The following GUCY1A2 variants were observed in gnomAD, a reference collection of about 807,000 sequenced individuals.
GUCY1A2 encodes guanylate cyclase 1 soluble subunit alpha 2.
Under a neutral mutation model 63.5 loss-of-function variants are expected in GUCY1A2, and 27 were observed. The observed-to-expected ratio is 0.43, with a 90% CI of 0.31 to 0.59. The LOEUF (loss-of-function observed/expected upper bound fraction) is 0.59. GUCY1A2 is among the 20% of genes least tolerant of loss of function. The pLI, the probability that GUCY1A2 is intolerant of heterozygous loss-of-function variation, is 0.11. For synonymous variants in GUCY1A2, 364 were observed against 343.5 expected, an observed-to-expected ratio of 1.06 and a Z score of -0.66; for missense variants, 768 against 913.3, an observed-to-expected ratio of 0.84 and a Z score of 2.05.
intron 3 of GUCY1A2, among the ~76,000 whole-genome samples, chr11:106,967,325 T>C (rs1273349487): frequency 3.9e-5 from 6 of 152,114 alleles, no homozygotes; most frequent in Non-Finnish European, 1.5e-5. Context: ...CACTGTCCTC[T>C]CGGAATTAAT....
chr11:106,868,950 C>T (rs1362674244), intron 4 of GUCY1A2, among the ~76,000 whole-genome samples: 1 of 152,128 alleles, frequency 6.6e-6, no homozygotes, highest in Admixed American at 6.6e-5. Flanking sequence ...AGAAATAATA[C>T]CACACATCTA....
chr11:107,017,967 G>A lies in GUCY1A2; in HGVS notation c.89C>T (p.Pro30Leu). The A allele has an allele frequency of 6.9e-7, 1 of 1,442,428 alleles. No homozygotes were observed. The highest frequency in any genetic ancestry group is 1.4e-5 in the South Asian group (1 of 69,186). The allele number at this position is 1,442,428 out of a possible 1,614,324, so 89.4% of individuals were successfully genotyped here. A position where few individuals can be genotyped will look rare whatever the true frequency, so the allele number is the denominator to read the frequency against. The change falls in exon 1 of 8, where the codon CCC becomes CTC. Residue 30 changes from proline to leucine, a missense_variant. Physicochemically the swap from Pro to Leu is moderately conservative, Grantham distance 98. Around this residue, in one of 3 missense-constraint regions of GUCY1A2, gnomAD observed 496 missense variants for 486.9 expected, o/e 1.02. Transcript: ENST00000526355. ...GCCATTCCAGCAGAGCCTAGACAGGGGGCACTCCCCCTCCTCCTCCGGGCT... is the reference window on the plus strand; with the variant it reads ...GCCATTCCAGCAGAGCCTAGACAGGAGGCACTCCCCCTCCTCCTCCGGGCT... Reference protein sequence around the residue: ...ETSPEEEGECPLSRLCWNGSR... With the variant: ...ETSPEEEGECLLSRLCWNGSR...
At chr11:106,767,301 A>AT (rs1360511709) in intron 6 of GUCY1A2, among the ~76,000 whole-genome samples, 1 of 152,086 alleles carries the variant, frequency 6.6e-6, no homozygotes, top group African/African-American at 2.4e-5. Flanking sequence ...AAACTAAGCA[A>AT]TTTTGTGCTT....
chr11:106,922,469 T>G (rs2119907458), intron 4 of GUCY1A2, among the ~76,000 whole-genome samples: 1 of 151,348 alleles, frequency 6.6e-6, no homozygotes, highest in African/African-American at 2.4e-5. Context: ...ATGTATATAT[T>G]CAACTATATA....
At chr11:106,939,349 C>A in intron 4 of GUCY1A2, 111 bp downstream of exon 4, 1 of 662,680 alleles carries the variant, frequency 1.5e-6, no homozygotes, top group South Asian at 2.2e-5. Flanking sequence ...TTCTAAATGG[C>A]ACTTTAAGCT....
In GUCY1A2 at chr11:106,939,605, G is replaced by A. The variant is rs1860724498; in HGVS notation, c.1061C>T (p.Thr354Ile). Residue 354 changes from threonine to isoleucine, a missense_variant, in exon 4 of 8, where the codon ACT (threonine) becomes ATT (isoleucine). Thr to Ile is a moderately conservative substitution (Grantham distance 89). Around this residue, in one of 3 missense-constraint regions of GUCY1A2, gnomAD observed 496 missense variants for 486.9 expected, o/e 1.02. Coordinates refer to ENST00000526355, the MANE Select transcript of GUCY1A2 (RefSeq NM_000855.3). ...GTCCTCAAACTTGAGCACTTTGTGA[G>A]TGTCACATCGAAGCTGCTTCCTTAG... ...EGLRKQLRCD[T>I]HKVLKFEDCF... 6.2e-7 allele frequency: 1 copy of A among 1,613,620 alleles called. No individual in the cohort carries two copies. The highest frequency in any genetic ancestry group is 1.1e-5 in the South Asian group (1 of 91,072).
chr11:106,823,117 G>C (rs1297105433), intron 4 of GUCY1A2, among the ~76,000 whole-genome samples: 2 of 152,062 alleles, frequency 1.3e-5, no homozygotes, highest in African/African-American at 4.8e-5. Context: ...GTAGATTCAG[G>C]GGGAACATGT....
At chr11:106,821,262 A>G (rs1858899933) in intron 4 of GUCY1A2, among the ~76,000 whole-genome samples, 2 of 151,346 alleles carry the variant, frequency 1.3e-5, no homozygotes, top group African/African-American at 4.8e-5. Context: ...ATTTTACTTA[A>G]CAAGCATTAA....
At chr11:106,840,480 T>C (rs1316208547) in intron 4 of GUCY1A2, among the ~76,000 whole-genome samples, 1 of 151,958 alleles carries the variant, frequency 6.6e-6, no homozygotes, top group East Asian at 1.9e-4. Flanking sequence ...GTGATTTACC[T>C]TCTCCAGAAA....
intron 4 of GUCY1A2, among the ~76,000 whole-genome samples, chr11:106,846,639 G>C (rs2135447532): frequency 6.6e-6 from 1 of 151,684 alleles, no homozygotes; most frequent in South Asian, 2.1e-4. Flanking sequence ...CAGACGCTCT[G>C]ACCTCTTCGA....
chr11:106,674,407 A>C lies in GUCY1A2; in HGVS notation c.*13142T>G, dbSNP rs1229359638. 2 of 176,870 alleles carry C rather than the reference A, an allele frequency of 1.1e-5. No homozygotes were observed. Among genetic ancestry groups the C allele is most frequent in the Non-Finnish European group, 2.4e-5 (2 of 82,194 alleles). The allele number at this position is 176,870 out of a possible 1,614,324, so 11.0% of individuals were successfully genotyped here. Reference sequence around the variant, plus strand: ...ATGTATTATTCTTAAAATTCTAGTGAAATGAGGCATATTTTATCATTTCAA... The same window carrying C: ...ATGTATTATTCTTAAAATTCTAGTGCAATGAGGCATATTTTATCATTTCAA... On this transcript the variant is annotated 3_prime_UTR_variant, in exon 8 of 8. Coordinates refer to ENST00000526355, the MANE Select transcript of GUCY1A2 (RefSeq NM_000855.3).
rs117646729 is a variant in GUCY1A2 at position 106,939,832 on chromosome 11, A to G, written c.834T>C (p.Ser278=). 2.3e-3 allele frequency: 3,713 copies of G among 1,613,832 alleles called. 117 individuals are homozygous for G. In the Admixed American group the frequency reaches 0.051, roughly 22 times the overall value. ...TACAATTGCCTGGGTTTGAAACATC[A>G]GAGCATAGCTTCTCATTTGCAACCT... ...VEQVANEKLC[S]DVSNPGNCSC... The change falls in exon 4 of 8, where the codon TCT becomes TCC. Residue 278 remains serine (S), a synonymous_variant. Transcript: ENST00000526355.
chr11:106,739,997 C>CTTTTT (rs35005245), intron 6 of GUCY1A2, among the ~76,000 whole-genome samples: 4 of 129,890 alleles, frequency 3.1e-5, no homozygotes, highest in Non-Finnish European at 4.9e-5. Flanking sequence ...TTGAGAGGCA[C>CTTTTT]TTTTTTTTTT....
chr11:106,810,556 T>C (rs1858749988), intron 4 of GUCY1A2, 78 bp from the exon 5 acceptor site: 4 of 1,228,066 alleles, frequency 3.3e-6, no homozygotes, highest in Non-Finnish European at 4.5e-6. Flanking sequence ...ATCTGATGAA[T>C]AGAAAGAAAA....
intron 4 of GUCY1A2, among the ~76,000 whole-genome samples, chr11:106,928,683 T>G (rs1167465312): frequency 6.6e-6 from 1 of 152,192 alleles, no homozygotes; most frequent in Non-Finnish European, 1.5e-5. Flanking sequence ...TAGCCTACAA[T>G]GCACATAGGC....
intron 6 of GUCY1A2, among the ~76,000 whole-genome samples, chr11:106,742,356 AAGGGCCCCAC>A (rs1863710058): frequency 6.6e-6 from 1 of 152,106 alleles, no homozygotes; most frequent in Non-Finnish European, 1.5e-5. Context: ...CTACCCACTG[AAGGGCCCCAC>A]TGTGGGTTGT....
chr11:106,848,971 G>GCCAA (rs367855526), intron 4 of GUCY1A2, among the ~76,000 whole-genome samples: 18 of 151,674 alleles, frequency 1.2e-4, no homozygotes, highest in African/African-American at 4.3e-4. Context: ...AGTCTTCTAA[G>GCCAA]CCAATTCTAT....
chr11:106,827,074 A>C, intron 4 of GUCY1A2: 1 of 1,519,882 alleles, frequency 6.6e-7, no homozygotes. Context: ...TTTCTTCAAA[A>C]TTCTAAACTC....
chr11:106,961,007 T>G (rs978494180), intron 3 of GUCY1A2, among the ~76,000 whole-genome samples: 2 of 152,070 alleles, frequency 1.3e-5, no homozygotes, highest in African/African-American at 4.8e-5. Flanking sequence ...GGAACAAAAT[T>G]TATCTAGTGA....
Sources: gnomAD v4.1 joint callset for allele counts (sites outside exome capture counted in the v4.1 genomes callset) on GRCh38, gnomAD v4.1.1 for gene constraint, gnomAD v4.1.1 regional missense constraint, MANE v1.5 for transcripts, NCBI Gene and HGNC (gene_info 2026-07-23, HGNC 2026-07-21) for gene names.